RIMS1: variants seen among roughly 807,000 people sequenced by gnomAD.
The protein encoded by RIMS1 is regulating synaptic membrane exocytosis protein 1.
In RIMS1, 83 loss-of-function variants were observed where a neutral mutation model predicts 214.1. That is an observed-to-expected ratio of 0.39 (90% CI 0.32 to 0.47). The LOEUF is 0.47. Among genes scored for constraint, RIMS1 ranks in the 20% least tolerant of loss-of-function variants. The pLI is 0.99. For synonymous variants in RIMS1, 793 were observed against 786.8 expected, an observed-to-expected ratio of 1.01 and a Z score of -0.13; for missense variants, 2,050 against 2,161.8, an observed-to-expected ratio of 0.95 and a Z score of 1.03.
chr6:71,915,650 T>C (rs1310098510), intron 1 of RIMS1, among the ~76,000 whole-genome samples: 1 of 152,130 alleles, frequency 6.6e-6, no homozygotes. Flanking sequence ...CACAGGATTG[T>C]TTGGAGGATT....
intron 29 of RIMS1, among the ~76,000 whole-genome samples, chr6:72,366,329 A>T (rs2098017932): frequency 6.6e-6 from 1 of 152,202 alleles, no homozygotes; most frequent in South Asian, 2.1e-4. Flanking sequence ...CCTTCCCCTT[A>T]ATTGTGTAAA....
intron 22 of RIMS1, among the ~76,000 whole-genome samples, chr6:72,271,022 C>G (rs572582834): frequency 1.3e-5 from 2 of 152,126 alleles, no homozygotes; most frequent in East Asian, 3.9e-4. Context: ...AATCCCAGCA[C>G]TTTGGGAGGC....
chr6:72,258,880 T>C, intron 17 of RIMS1, 106 bp from the exon 18 acceptor site: 2 of 1,037,210 alleles, frequency 1.9e-6, no homozygotes, highest in Non-Finnish European at 3.0e-6. Context: ...GCAAATACTT[T>C]TCAGTGTTTA....
At chr6:71,939,587 G>A (rs1785426659) in intron 1 of RIMS1, among the ~76,000 whole-genome samples, 1 of 152,184 alleles carries the variant, frequency 6.6e-6, no homozygotes, top group African/African-American at 2.4e-5. Flanking sequence ...CAAGATGGAG[G>A]GGCTGCATCT....
At chr6:72,095,879 A>G (rs1470780972) in intron 2 of RIMS1, among the ~76,000 whole-genome samples, 1 of 152,242 alleles carries the variant, frequency 6.6e-6, no homozygotes, top group Non-Finnish European at 1.5e-5. Context: ...AGATACCCAG[A>G]TGAATTTGAG....
intron 25 of RIMS1, 87 bp downstream of exon 25, chr6:72,290,948 C>A: frequency 8.1e-7 from 1 of 1,233,744 alleles, no homozygotes; most frequent in Non-Finnish European, 1.1e-6. Flanking sequence ...TTGAAGCTTT[C>A]ACTCATTTTG....
At chr6:72,223,637 C>T (rs191598718) in intron 6 of RIMS1, among the ~76,000 whole-genome samples, 1 of 152,186 alleles carries the variant, frequency 6.6e-6, no homozygotes, top group Admixed American at 6.5e-5. Flanking sequence ...AAATGCACAA[C>T]ATCTTTAATA....
intron 29 of RIMS1, among the ~76,000 whole-genome samples, chr6:72,365,237 G>A (rs936899840): frequency 1.3e-5 from 2 of 152,172 alleles, no homozygotes; most frequent in Non-Finnish European, 2.9e-5. Flanking sequence ...TTCTTTCTCT[G>A]TGCCTTCTCT....
intron 2 of RIMS1, among the ~76,000 whole-genome samples, chr6:72,022,777 C>T (rs1221176389): frequency 6.6e-6 from 1 of 152,092 alleles, no homozygotes; most frequent in Non-Finnish European, 1.5e-5. Context: ...CTATCAAACC[C>T]ATTTTCTGGA....
At chr6:72,117,769 G>T (rs551687273) in intron 4 of RIMS1, among the ~76,000 whole-genome samples, 223 of 151,978 alleles carry the variant, frequency 1.5e-3, no homozygotes, top group Non-Finnish European at 2.6e-3. Context: ...CTGGGATACG[G>T]CAAAAGCAAT....
In RIMS1 at chr6:72,144,889, CT is replaced by C. The variant is rs756238541; in HGVS notation, c.472-34675del. On this transcript the variant is annotated intron_variant, in intron 4 of 33. Coordinates refer to ENST00000521978, the MANE Select transcript of RIMS1 (RefSeq NM_014989.7). ...TAAGGATTTTTTTTCTTTCTTTTTT[CT>C]TTTTTTTTTTCGAGATGGAGTTTCG... is the stretch of plus-strand genomic sequence containing the variant. Among the ~76,000 whole-genome samples, 482 of 145,030 alleles carry C rather than the reference CT, an allele frequency of 3.3e-3. 1 individual carries two copies. Among genetic ancestry groups the C allele is most frequent in the African/African-American group, 8.9e-3 (355 of 39,714 alleles).
intron 2 of RIMS1, among the ~76,000 whole-genome samples, chr6:72,055,857 T>C (rs907884324): frequency 6.6e-6 from 1 of 152,186 alleles, no homozygotes; most frequent in African/African-American, 2.4e-5. Flanking sequence ...AGTTTGGTTA[T>C]TTCCCAAAGA....
intron 1 of RIMS1, among the ~76,000 whole-genome samples, chr6:71,955,743 T>C (rs1791063523): frequency 1.3e-5 from 2 of 152,158 alleles, no homozygotes; most frequent in African/African-American, 4.8e-5. Flanking sequence ...TTTAATAGTG[T>C]CTTTGGGGAA....
At chr6:71,982,436 A>G (rs1798735354) in intron 2 of RIMS1, among the ~76,000 whole-genome samples, 1 of 152,122 alleles carries the variant, frequency 6.6e-6, no homozygotes, top group Admixed American at 6.6e-5. Flanking sequence ...CTCAAATATT[A>G]TGTTGTTTGT....
intron 29 of RIMS1, among the ~76,000 whole-genome samples, chr6:72,344,859 G>A (rs1433029892): frequency 6.6e-6 from 1 of 151,622 alleles, no homozygotes; most frequent in African/African-American, 2.4e-5. Flanking sequence ...TTTTACGTTT[G>A]GCTAAGATAT....
chr6:71,958,822 A>C (rs1322984619), intron 1 of RIMS1, among the ~76,000 whole-genome samples: 5 of 152,098 alleles, frequency 3.3e-5, no homozygotes, highest in Non-Finnish European at 5.9e-5. Context: ...GGAGTAAGAA[A>C]TCCTGTTTGC....
At chr6:72,382,782 C>T (rs1223442284) in intron 29 of RIMS1, among the ~76,000 whole-genome samples, 1 of 152,198 alleles carries the variant, frequency 6.6e-6, no homozygotes, top group Non-Finnish European at 1.5e-5. Context: ...ATGCTGCTCT[C>T]CTGGCTTGAA....
intron 6 of RIMS1, among the ~76,000 whole-genome samples, chr6:72,218,659 T>G (rs1248786285): frequency 6.6e-6 from 1 of 152,192 alleles, no homozygotes; most frequent in Non-Finnish European, 1.5e-5. Flanking sequence ...CTGTTGATGT[T>G]TATACTTGCT....
chr6:72,282,954 G>A (rs542485698), intron 23 of RIMS1, among the ~76,000 whole-genome samples: 7 of 152,162 alleles, frequency 4.6e-5, no homozygotes, highest in African/African-American at 1.7e-4. Flanking sequence ...GAAAGCGGAA[G>A]AGATTGGGAG....
Sources: gnomAD v4.1 joint callset for allele counts (sites outside exome capture counted in the v4.1 genomes callset) on GRCh38, gnomAD v4.1.1 for gene constraint, MANE v1.5 for transcripts, NCBI Gene and HGNC (gene_info 2026-07-23, HGNC 2026-07-21) for gene names.